Variants in OCIAD2 observed in about 807,000 individuals in gnomAD.
The protein encoded by OCIAD2 is OCIA domain containing 2, also known as OCIA domain-containing protein 2.
A neutral mutation model predicts 22.9 loss-of-function variants in OCIAD2; 29 were observed. The ratio of observed to expected loss-of-function variants is 1.27; its 90% confidence interval spans 0.94 to 1.73. The LOEUF (loss-of-function observed/expected upper bound fraction) is 1.73. Among genes scored for constraint, OCIAD2 ranks in the 40% most tolerant of loss-of-function variants. OCIAD2 has a pLI of 0.00. For synonymous variants in OCIAD2, 67 were observed against 60.2 expected (o/e 1.11, Z -0.52); for missense variants, 189 against 180.3 (o/e 1.05, Z -0.28).
rs1781207471 is a variant in OCIAD2, at chr4:48,892,846, T to C, written c.309A>G (p.Ile103Met). The C allele has an allele frequency of 3.7e-6, 6 of 1,612,410 alleles. No individual in the cohort carries two copies. The highest frequency in any genetic ancestry group is 5.1e-6 in the Non-Finnish European group (6 of 1,179,000). The change falls in exon 6 of 7, where the codon ATA (isoleucine) becomes ATG (methionine). Residue 103 changes from isoleucine (I) to methionine (M), a missense_variant. Physicochemically the swap from Ile to Met is conservative, Grantham distance 10. Coordinates refer to ENST00000508632, the MANE Select transcript of OCIAD2 (RefSeq NM_001014446.3). Reference sequence around the variant, plus strand: ...AATGGAATTTACTCTGGCATACTCCTATGTATGATACCTTTCCAAGGCCAA... The same window carrying C: ...AATGGAATTTACTCTGGCATACTCCCATGTATGATACCTTTCCAAGGCCAA... ...LGFGLGKVSY[I>M]GVCQSKFHFF...
intron 5 of OCIAD2, 167 bp from the exon 6 acceptor site, chr4:48,893,056 C>A: frequency 2.1e-6 from 1 of 482,536 alleles, no homozygotes; most frequent in Non-Finnish European, 3.7e-6. Context: ...GGATTGGGAA[C>A]TGGAGACTTC....
intron 6 of OCIAD2, among the ~76,000 whole-genome samples, chr4:48,889,387 C>T (rs1394824638): frequency 6.6e-6 from 1 of 152,086 alleles, no homozygotes; most frequent in African/African-American, 2.4e-5. Flanking sequence ...TATCCAGAAT[C>T]TACAAAGAAC....
chr4:48,893,299 A>C (rs1781224227), intron 5 of OCIAD2: 1 of 153,420 alleles, frequency 6.5e-6, no homozygotes, highest in Non-Finnish European at 1.4e-5. Flanking sequence ...CATCTTGCCT[A>C]TAGGAGAGAG....
At chr4:48,886,602 G>C (rs565819621) in intron 6 of OCIAD2, among the ~76,000 whole-genome samples, 8 of 150,768 alleles carry the variant, frequency 5.3e-5, no homozygotes, top group South Asian at 2.1e-4. Context: ...TTGGTTTCTT[G>C]TCCTTGCAAT....
intron 6 of OCIAD2, among the ~76,000 whole-genome samples, chr4:48,886,885 T>G (rs971519322): frequency 2.0e-5 from 3 of 152,228 alleles, no homozygotes; most frequent in African/African-American, 7.2e-5. Context: ...CAAATGGTAT[T>G]TCTAGTTCTA....
At chr4:48,896,434 A>T (rs1339909975) in intron 4 of OCIAD2, among the ~76,000 whole-genome samples, 1 of 150,512 alleles carries the variant, frequency 6.6e-6, no homozygotes, top group Non-Finnish European at 1.5e-5. Context: ...TGCAAAAATT[A>T]AAAAAAAAAT....
Position 48,885,340 on chromosome 4 carries a change from A to T in OCIAD2, c.*144T>A. 1 of 684,926 alleles carries T rather than the reference A, an allele frequency of 1.5e-6. No individual in the cohort carries two copies. Among genetic ancestry groups the T allele is most frequent in the Non-Finnish European group, 2.6e-6 (1 of 378,176 alleles). 42.4% of individuals were successfully genotyped at this position (684,926 alleles called of 1,614,324 possible). A position where few individuals can be genotyped will look rare whatever the true frequency, so the allele number is the denominator to read the frequency against. On this transcript the variant is annotated 3_prime_UTR_variant, in exon 7 of 7. Coordinates refer to ENST00000508632, the MANE Select transcript of OCIAD2 (RefSeq NM_001014446.3). ...ACATGTAACGCTTAGTTCACTTGAA[A>T]GCCTTCCACGGAATACATTTCAGTG...
In OCIAD2 at chr4:48,885,514, C is replaced by A. The variant is rs769597865; in HGVS notation, c.435G>T (p.Glu145Asp). 1.2e-6 allele frequency: 2 copies of A among 1,611,546 alleles called. No individual in the cohort carries two copies. Among genetic ancestry groups the A allele is most frequent in the South Asian group, 1.1e-5 (1 of 91,030 alleles). ...EECKIKHGLS[E>D]KGDSQPSAS ...AAGCTGAAGGCTGAGAGTCTCCCTT[C>A]TCACTTAATCCATGCTTTATTTTGC... Residue 145 changes from glutamate (E) to aspartate (D), a missense_variant, in exon 7 of 7, where the codon GAG (glutamate) becomes GAT (aspartate). Transcript: ENST00000508632.
At chr4:48,903,405 G>A (rs1311858174) in intron 2 of OCIAD2, among the ~76,000 whole-genome samples, 2 of 152,106 alleles carry the variant, frequency 1.3e-5, no homozygotes, top group South Asian at 2.1e-4. Context: ...GGGAGGCTGA[G>A]GTGGGAGGAT....
chr4:48,901,023 C>T (rs942030346), intron 2 of OCIAD2, among the ~76,000 whole-genome samples: 1 of 152,188 alleles, frequency 6.6e-6, no homozygotes, highest in African/African-American at 2.4e-5. Context: ...ACTCCTTCCC[C>T]TCTGCCCATC....
chr4:48,902,718 TGAGGC>T (rs1160654886), intron 2 of OCIAD2, among the ~76,000 whole-genome samples: 1 of 152,188 alleles, frequency 6.6e-6, no homozygotes, highest in East Asian at 1.9e-4. Context: ...TTTGGGAGGC[TGAGGC>T]GGGCAGATCA....
rs1348069274 is a variant in OCIAD2, at chr4:48,885,498, G to T, written c.451C>A (p.Pro151Thr). 6.2e-7 allele frequency: 1 copy of T among 1,600,936 alleles called. No homozygotes were observed. Among genetic ancestry groups the T allele is most frequent in the Non-Finnish European group, 8.6e-7 (1 of 1,168,006 alleles). The part of the protein sequence containing the change: ...HGLSEKGDSQ[P>T]SAS ...AGACACAGAATTTAGGAAGCTGAAG[G>T]CTGAGAGTCTCCCTTCTCACTTAAT... Residue 151 changes from proline to threonine, a missense_variant, in exon 7 of 7, where the codon CCT (proline) becomes ACT (threonine). Pro to Thr is a conservative substitution (Grantham distance 38). Coordinates refer to ENST00000508632, the MANE Select transcript of OCIAD2 (RefSeq NM_001014446.3).
intron 5 of OCIAD2, chr4:48,893,148 G>A: frequency 4.2e-6 from 1 of 237,184 alleles, no homozygotes. Flanking sequence ...TGGCCAGAGA[G>A]GGCCCACCTG....
At chr4:48,895,745 G>A (rs1781288501) in intron 4 of OCIAD2, among the ~76,000 whole-genome samples, 1 of 152,144 alleles carries the variant, frequency 6.6e-6, no homozygotes, top group African/African-American at 2.4e-5. Context: ...TGGGTGCGGT[G>A]GCTCTTGCCT....
Position 48,894,048 on chromosome 4 carries a change from A to G in OCIAD2, c.223T>C (p.Leu75=). 1 of 1,489,890 alleles carries G rather than the reference A, an allele frequency of 6.7e-7. No homozygotes were observed. Among genetic ancestry groups the G allele is most frequent in the South Asian group, 1.4e-5 (1 of 69,428 alleles). 92.3% of individuals were successfully genotyped at this position (1,489,890 alleles called of 1,614,324 possible). A position where few individuals can be genotyped will look rare whatever the true frequency, so the allele number is the denominator to read the frequency against. Residue 75 remains leucine, a synonymous_variant, in exon 5 of 7, where the codon TTG becomes CTG. Coordinates refer to ENST00000508632, the MANE Select transcript of OCIAD2 (RefSeq NM_001014446.3). ...VTQGLVYQGY[L]AANSRFGSLP... ...GATCCAAATCTAGAATTAGCTGCCAAATAACCTAAGGAGTAATAAAGAAAA... is the reference window on the plus strand; with the variant it reads ...GATCCAAATCTAGAATTAGCTGCCAGATAACCTAAGGAGTAATAAAGAAAA...
chr4:48,888,443 T>A (rs6447670), intron 6 of OCIAD2, among the ~76,000 whole-genome samples: 80,212 of 152,016 alleles, frequency 0.53, 21,405 homozygotes, highest in South Asian at 0.6. Context: ...TCCAGTTTTT[T>A]CCCATTCAGT....
At chr4:48,904,334 C>A in intron 2 of OCIAD2, 150 bp downstream of exon 2, 1 of 733,566 alleles carries the variant, frequency 1.4e-6, no homozygotes, top group East Asian at 2.6e-5. Flanking sequence ...CCTGTCATCC[C>A]AGTTAAGTGA....
chr4:48,897,958 G>A, intron 3 of OCIAD2, 101 bp from the exon 4 acceptor site: 2 of 773,730 alleles, frequency 2.6e-6, no homozygotes, highest in African/African-American at 1.8e-5. Flanking sequence ...TACCTTCCTT[G>A]GCAGTGAATT....
intron 2 of OCIAD2, among the ~76,000 whole-genome samples, chr4:48,900,903 T>G (rs1231131167): frequency 1.3e-5 from 2 of 152,116 alleles, no homozygotes; most frequent in Non-Finnish European, 2.9e-5. Flanking sequence ...CTTGCGGTGT[T>G]TTTTTAATCA....
Sources: allele counts gnomAD v4.1 joint callset (sites outside exome capture counted in the v4.1 genomes callset), GRCh38; gene constraint gnomAD v4.1.1; transcripts MANE v1.5; gene names NCBI Gene and HGNC (gene_info 2026-07-23, HGNC 2026-07-21).